The following IQGAP2 variants were observed in gnomAD, a reference collection of about 807,000 sequenced individuals.
IQGAP2 encodes IQ motif containing GTPase activating protein 2.
In IQGAP2, 173 loss-of-function variants were observed where a neutral mutation model predicts 201.3. The observed-to-expected ratio is 0.86, with a 90% CI of 0.76 to 0.98. The LOEUF is 0.98. IQGAP2 is among the 50% of genes least tolerant of loss of function. The pLI is 0.00. For synonymous variants in IQGAP2, 675 were observed against 673.9 expected (o/e 1.00, Z -0.03); for missense variants, 1,687 against 1,864.8 (o/e 0.90, Z 1.76).
chr5:76,410,899 C>A (rs1751071065), intron 1 of IQGAP2, among the ~76,000 whole-genome samples: 1 of 152,160 alleles, frequency 6.6e-6, no homozygotes, highest in Admixed American at 6.5e-5. Flanking sequence ...TCTAATTGGA[C>A]CTTCCTTTAA....
intron 35 of IQGAP2, among the ~76,000 whole-genome samples, chr5:76,705,667 T>G (rs998847097): frequency 3.0e-4 from 45 of 152,216 alleles, no homozygotes; most frequent in African/African-American, 1.0e-3. Context: ...AGAATTTTAG[T>G]TCTAGAAGCA....
intron 13 of IQGAP2, among the ~76,000 whole-genome samples, chr5:76,621,187 T>C (rs1276478148): frequency 6.6e-6 from 1 of 152,212 alleles, no homozygotes; most frequent in East Asian, 1.9e-4. Flanking sequence ...CTCTTCCTGC[T>C]TTAATCTCTA....
chr5:76,654,790 A>G, intron 19 of IQGAP2, 144 bp from the exon 20 acceptor site: 2 of 574,132 alleles, frequency 3.5e-6, no homozygotes, highest in South Asian at 2.5e-5. Context: ...TGGAAAAATA[A>G]ATGTTGAATA....
chr5:76,503,187 T>C (rs1214778476), intron 2 of IQGAP2, among the ~76,000 whole-genome samples: 1 of 149,504 alleles, frequency 6.7e-6, no homozygotes, highest in East Asian at 1.9e-4. Flanking sequence ...TTTTTTTTTT[T>C]TTTTGAGACG....
rs367622453 is a variant in IQGAP2 at position 76,570,570 on chromosome 5, G to A, written c.304-10G>A. 81 of 1,602,250 alleles carry A rather than the reference G, an allele frequency of 5.1e-5. 1 individual carries two copies. The African/African-American group carries it at 7.4e-4, about 15-fold the overall frequency. On this transcript the variant is annotated splice_polypyrimidine_tract_variant and intron_variant, in intron 3 of 35. Transcript: ENST00000274364. ...CTTCTCTCCCTTTTTCCCTCCTATC[G>A]TCACTTTAGAAGTCTGGCCTTCATT...
chr5:76,467,569 A>G (rs1178224401), intron 2 of IQGAP2, among the ~76,000 whole-genome samples: 1 of 152,224 alleles, frequency 6.6e-6, no homozygotes, highest in African/African-American at 2.4e-5. Flanking sequence ...TACTTTAGAA[A>G]ATAGTCTGGC....
chr5:76,431,522 A>G (rs1264278576), intron 1 of IQGAP2, among the ~76,000 whole-genome samples: 1 of 152,032 alleles, frequency 6.6e-6, no homozygotes, highest in African/African-American at 2.4e-5. Context: ...GTTGCGAGAG[A>G]AATTTAAGAA....
chr5:76,627,575 T>C, intron 14 of IQGAP2, 75 bp downstream of exon 14: 1 of 779,526 alleles, frequency 1.3e-6, no homozygotes, highest in Non-Finnish European at 2.2e-6. Flanking sequence ...ATGTGATTTT[T>C]AATTTCTGAA....
Position 76,671,853 on chromosome 5 carries a change from A to G in IQGAP2, c.2938A>G (p.Thr980Ala). The G allele has an allele frequency of 6.2e-7, 1 of 1,614,076 alleles. No homozygotes were observed. Among genetic ancestry groups the G allele is most frequent in the South Asian group, 1.1e-5 (1 of 91,080 alleles). The change falls in exon 24 of 36, where the codon ACC becomes GCC. Residue 980 changes from threonine (T) to alanine (A), a missense_variant. By Grantham distance (58) the Thr-to-Ala change is moderately conservative (BLOSUM62 0). Coordinates refer to ENST00000274364, the MANE Select transcript of IQGAP2 (RefSeq NM_006633.5). Reference protein sequence around the residue: ...SFNRGARGQNTLRQLLAPVVK... With the variant: ...SFNRGARGQNALRQLLAPVVK... Reference sequence around the variant, plus strand: ...CAATAGAGGTGCCCGGGGACAGAACACCCTGCGCCAACTCCTGGCTCCAGT... The same window carrying G: ...CAATAGAGGTGCCCGGGGACAGAACGCCCTGCGCCAACTCCTGGCTCCAGT...
chr5:76,632,644 C>T (rs2150386498), intron 15 of IQGAP2, among the ~76,000 whole-genome samples: 1 of 152,144 alleles, frequency 6.6e-6, no homozygotes, highest in East Asian at 1.9e-4. Context: ...TCCAGAATTC[C>T]TTTAGTAGAT....
At chr5:76,484,424 A>G (rs766466392) in intron 2 of IQGAP2, among the ~76,000 whole-genome samples, 1 of 151,932 alleles carries the variant, frequency 6.6e-6, no homozygotes, top group Non-Finnish European at 1.5e-5. Flanking sequence ...TTCCCACTTG[A>G]GAGTACTGTG....
intron 1 of IQGAP2, among the ~76,000 whole-genome samples, chr5:76,444,530 C>A (rs192145608): frequency 6.6e-6 from 1 of 152,286 alleles, no homozygotes; most frequent in African/African-American, 2.4e-5. Context: ...AACTCCCAAC[C>A]TTAGGTGATC....
At chr5:76,587,882 G>A (rs1299135880) in intron 5 of IQGAP2, among the ~76,000 whole-genome samples, 1 of 151,056 alleles carries the variant, frequency 6.6e-6, no homozygotes, top group Non-Finnish European at 1.5e-5. Context: ...GAAGGTGGAG[G>A]TTGCAGTGGG....
chr5:76,597,633 C>T lies in IQGAP2; in HGVS notation c.1071+31C>T, dbSNP rs372043824. 57 of 1,611,306 alleles carry T rather than the reference C, an allele frequency of 3.5e-5. No individual in the cohort carries two copies. In the African/African-American group the frequency reaches 5.7e-4, roughly 16 times the overall value. Reference sequence around the variant, plus strand: ...TCAGAGGAGACCCCAGCTGTGGGGACGGTAACCCTGCGTGCCATGGCGCAC... The same window carrying T: ...TCAGAGGAGACCCCAGCTGTGGGGATGGTAACCCTGCGTGCCATGGCGCAC... On this transcript the variant is annotated intron_variant, in intron 10 of 35. Transcript: ENST00000274364.
intron 21 of IQGAP2, 143 bp downstream of exon 21, chr5:76,658,810 A>T: frequency 4.0e-6 from 3 of 757,636 alleles, no homozygotes; most frequent in Non-Finnish European, 6.7e-6. Context: ...TAGAGCACTT[A>T]CCTAAACATA....
rs556303713 is a variant in IQGAP2, at chr5:76,572,658, G to A, written c.381+2001G>A. On this transcript the variant is annotated intron_variant, in intron 4 of 35. Transcript: ENST00000274364. ...TCCACATGTTGGCCAGGCTGGTCTC[G>A]AACTCCTGACTTCAGGAAATCTGCC... 9.2e-3 allele frequency among the ~76,000 whole-genome samples: 1,393 copies of A among 151,902 alleles called. 21 individuals carry two copies. The highest frequency in any genetic ancestry group is 0.031 in the African/African-American group (1,296 of 41,408).
Position 76,592,863 on chromosome 5 carries a change from G to T in IQGAP2, c.845G>T (p.Arg282Ile). 6.2e-7 allele frequency: 1 copy of T among 1,611,672 alleles called. No individual in the cohort carries two copies. The highest frequency in any genetic ancestry group is 8.5e-7 in the Non-Finnish European group (1 of 1,177,856). Residue 282 changes from arginine to isoleucine, a missense_variant, in exon 9 of 36, where the codon AGA (arginine) becomes ATA (isoleucine). Physicochemically the swap from Arg to Ile is moderately conservative, Grantham distance 97. Coordinates refer to ENST00000274364, the MANE Select transcript of IQGAP2 (RefSeq NM_006633.5). ...LKNSCISEEERDAYEELLTQA... is the reference protein window; with the variant it reads ...LKNSCISEEEIDAYEELLTQA... ...AATAGCTGTATTTCAGAAGAAGAAA[G>T]AGATGCTTATGAAGAACTGCTGACA...
At chr5:76,490,430 A>G (rs1756467291) in intron 2 of IQGAP2, among the ~76,000 whole-genome samples, 1 of 152,180 alleles carries the variant, frequency 6.6e-6, no homozygotes, top group Non-Finnish European at 1.5e-5. Flanking sequence ...TTCCTTATCC[A>G]TTTATGAACT....
At chr5:76,435,034 T>C (rs10035823) in intron 1 of IQGAP2, among the ~76,000 whole-genome samples, 128,913 of 151,258 alleles carry the variant, frequency 0.85, 55,388 homozygotes, top group Non-Finnish European at 0.9. Flanking sequence ...CATTTGCTCA[T>C]TTTTTGATGG....
Sources: allele counts gnomAD v4.1 joint callset (sites outside exome capture counted in the v4.1 genomes callset), GRCh38; gene constraint gnomAD v4.1.1; transcripts MANE v1.5; gene names NCBI Gene and HGNC (gene_info 2026-07-23, HGNC 2026-07-21).